LMOD1: variants seen among roughly 807,000 people sequenced by gnomAD.
LMOD1 encodes leiomodin 1, also known as leiomodin-1.
LMOD1 carries 8 observed loss-of-function variants against 36.5 expected under a neutral mutation model. The observed-to-expected ratio is 0.22, with a 90% CI of 0.13 to 0.40. LMOD1 has a LOEUF of 0.40. Ranked by LOEUF, LMOD1 falls within the 10% of genes least tolerant of loss-of-function variation. LMOD1 has a pLI of 1.00. For missense variants in LMOD1, 630 were observed against 751.1 expected (o/e 0.84, Z 1.88); for synonymous variants, 284 against 288.7 (o/e 0.98, Z 0.17).
chr1:201,899,187 C>T lies in LMOD1; in HGVS notation c.1776+50G>A. 6.7e-7 allele frequency: 1 copy of T among 1,500,264 alleles called. No homozygotes were observed. Among genetic ancestry groups the T allele is most frequent in the Non-Finnish European group, 9.0e-7 (1 of 1,116,562 alleles). 92.9% of individuals were successfully genotyped at this position (1,500,264 alleles called of 1,614,324 possible). The stretch of plus-strand genomic sequence containing the variant: ...CCCTTTTGCAGTCCTACCCTCTCCT[C>T]CAGGCCCTACCCAGCCCCGCCCTGT... On this transcript the variant is annotated intron_variant, in intron 2 of 2. Transcript: ENST00000367288. This position sits in a 1 kb window ranked among gnomAD's most constrained non-coding sequence, Gnocchi z 6.3.
chr1:201,921,184 C>T (rs185501725), intron 1 of LMOD1, among the ~76,000 whole-genome samples: 4 of 151,400 alleles, frequency 2.6e-5, no homozygotes, highest in Admixed American at 1.3e-4. Flanking sequence ...AAATGCCTAA[C>T]AGGTTGGCAT....
At chr1:201,934,725 A>G (rs1681987759) in intron 1 of LMOD1, among the ~76,000 whole-genome samples, 1 of 152,108 alleles carries the variant, frequency 6.6e-6, no homozygotes, top group Admixed American at 6.6e-5. Flanking sequence ...CAAGGTTCCA[A>G]TGGCTTCCAT....
chr1:201,908,245 A>G (rs564078014), intron 1 of LMOD1, among the ~76,000 whole-genome samples: 11 of 152,244 alleles, frequency 7.2e-5, no homozygotes, highest in Non-Finnish European at 1.5e-4. Context: ...CGCTACTTCA[A>G]AGCCCCCACT....
At chr1:201,909,572 TC>T (rs930856673) in intron 1 of LMOD1, among the ~76,000 whole-genome samples, 5 of 151,654 alleles carry the variant, frequency 3.3e-5, no homozygotes, top group Admixed American at 3.3e-4. Flanking sequence ...AAGGGCATGG[TC>T]CCCATCCCTG....
rs527808658 is a variant in LMOD1, at chr1:201,918,175, C to G, written c.262-17424G>C. 5.8e-4 allele frequency among the ~76,000 whole-genome samples: 89 copies of G among 152,330 alleles called. 1 individual carries two copies. The highest frequency in any genetic ancestry group is 1.7e-3 in the African/African-American group (69 of 41,572). ...CTCTTCAGGAATGGCTCTCCCACCCCACAGACACTGGGACATCAGCCTTGA... is the reference window on the plus strand; with the variant it reads ...CTCTTCAGGAATGGCTCTCCCACCCGACAGACACTGGGACATCAGCCTTGA... On this transcript the variant is annotated intron_variant, in intron 1 of 2. Transcript: ENST00000367288.
At position 201,922,790 on chromosome 1, in the gene LMOD1, T is replaced by C. The variant is rs187234216; in HGVS notation, c.262-22039A>G. ...ATTTGCCGAATATACTGAATACTGC[T>C]TTTTTTCTAAAAACACTGCATTGGG... On this transcript the variant is annotated intron_variant, in intron 1 of 2. Transcript: ENST00000367288. 5.9e-5 allele frequency among the ~76,000 whole-genome samples: 9 copies of C among 151,586 alleles called. No individual in the cohort carries two copies. The East Asian group carries it at 1.7e-3, about 29-fold the overall frequency.
intron 1 of LMOD1, among the ~76,000 whole-genome samples, chr1:201,938,922 C>G (rs954234132): frequency 6.6e-6 from 1 of 152,140 alleles, no homozygotes; most frequent in Non-Finnish European, 1.5e-5. Flanking sequence ...GGAGAATCCA[C>G]CTCAAAATCT....
chr1:201,945,919 A>G (rs757115071), intron 1 of LMOD1, among the ~76,000 whole-genome samples, 161 bp downstream of exon 1: 1 of 152,190 alleles, frequency 6.6e-6, no homozygotes, highest in Non-Finnish European at 1.5e-5. Context: ...GGAGTAAGAG[A>G]TTCGCACCGC....
chr1:201,928,948 C>T (rs1249585521), intron 1 of LMOD1, among the ~76,000 whole-genome samples: 15 of 152,072 alleles, frequency 9.9e-5, no homozygotes, highest in Non-Finnish European at 1.5e-4. Context: ...GAACTCCTGA[C>T]CTCAAGTGAT....
Position 201,908,477 on chromosome 1 carries a change from C to G in LMOD1, c.262-7726G>C, listed in dbSNP as rs115432626. 5.0e-3 allele frequency among the ~76,000 whole-genome samples: 763 copies of G among 152,290 alleles called. 5 individuals are homozygous for G. Among genetic ancestry groups the G allele is most frequent in the African/African-American group, 0.017 (721 of 41,558 alleles). On this transcript the variant is annotated intron_variant, in intron 1 of 2. Transcript: ENST00000367288. ...ACATACTTTTGGGAATGTTCAAGGGCTTATACACAAAAACCCAAACAGATG... is the reference window on the plus strand; with the variant it reads ...ACATACTTTTGGGAATGTTCAAGGGGTTATACACAAAAACCCAAACAGATG...
chr1:201,929,009 C>T (rs1340468636), intron 1 of LMOD1, among the ~76,000 whole-genome samples: 2 of 152,154 alleles, frequency 1.3e-5, no homozygotes, highest in African/African-American at 4.8e-5. Context: ...TGAGCCACCA[C>T]ACCCGGCCTG....
chr1:201,909,741 G>A (rs1571578113), intron 1 of LMOD1, among the ~76,000 whole-genome samples: 1 of 152,148 alleles, frequency 6.6e-6, no homozygotes, highest in Non-Finnish European at 1.5e-5. Context: ...GCCGCCCCAG[G>A]TGCCTCTCAT....
chr1:201,942,665 T>A (rs1288934782), intron 1 of LMOD1, among the ~76,000 whole-genome samples: 1 of 151,564 alleles, frequency 6.6e-6, no homozygotes, highest in Non-Finnish European at 1.5e-5. Context: ...AATGTTGGTT[T>A]CTTTCTTTCT....
intron 1 of LMOD1, among the ~76,000 whole-genome samples, chr1:201,907,369 A>G (rs1485718444): frequency 6.6e-6 from 1 of 152,176 alleles, no homozygotes; most frequent in Non-Finnish European, 1.5e-5. Context: ...CTTGAATAGG[A>G]GATAGGCTGT....
rs1196609413 is a variant in LMOD1, at chr1:201,899,907, G to A, written c.1106C>T (p.Thr369Met). The change falls in exon 2 of 3, where the codon ACG (threonine) becomes ATG (methionine). Residue 369 changes from threonine (T) to methionine (M), a missense_variant. Transcript: ENST00000367288. This position sits in a 1 kb window ranked among gnomAD's most constrained non-coding sequence, Gnocchi z 6.3. ...TVVKLFALAN[T>M]RADDHVAFAI... ...AAAGGCCACGTGGTCATCGGCTCGC[G>A]TGTTGGCCAAGGCGAACAGCTTAAC... 5.0e-6 allele frequency: 8 copies of A among 1,613,710 alleles called. No homozygotes were observed. Among genetic ancestry groups the A allele is most frequent in the South Asian group, 1.1e-5 (1 of 91,040 alleles).
intron 2 of LMOD1, among the ~76,000 whole-genome samples, chr1:201,898,734 G>A (rs1463480988): frequency 6.6e-6 from 1 of 152,162 alleles, no homozygotes; most frequent in Non-Finnish European, 1.5e-5. Flanking sequence ...GGGTGTCCAG[G>A]GATGGCTCCT....
At chr1:201,928,715 A>G (rs939486284) in intron 1 of LMOD1, among the ~76,000 whole-genome samples, 2 of 152,148 alleles carry the variant, frequency 1.3e-5, no homozygotes, top group African/African-American at 2.4e-5. Flanking sequence ...TTATCAGCAA[A>G]AATATTATTA....
chr1:201,930,699 T>A (rs1289628509), intron 1 of LMOD1, among the ~76,000 whole-genome samples: 1 of 151,978 alleles, frequency 6.6e-6, no homozygotes, highest in African/African-American at 2.4e-5. Context: ...GATAACTGAA[T>A]CCATGGGGTT....
intron 1 of LMOD1, among the ~76,000 whole-genome samples, chr1:201,940,564 C>T (rs972495526): frequency 1.3e-5 from 2 of 150,556 alleles, no homozygotes; most frequent in South Asian, 4.2e-4. Flanking sequence ...GGAGCAGGCA[C>T]TAATGCCTCA....
Sources: allele counts gnomAD v4.1 joint callset (sites outside exome capture counted in the v4.1 genomes callset), GRCh38; gene constraint gnomAD v4.1.1; non-coding constraint Gnocchi (gnomAD v3.1); transcripts MANE v1.5; gene names NCBI Gene and HGNC (gene_info 2026-07-23, HGNC 2026-07-21).